GNPAT: variants seen among roughly 807,000 people sequenced by gnomAD.
GNPAT encodes the protein glyceronephosphate O-acyltransferase.
Under a neutral mutation model 78.4 loss-of-function variants are expected in GNPAT, and 30 were observed. The observed-to-expected ratio is 0.38, with a 90% CI of 0.29 to 0.52. The LOEUF (loss-of-function observed/expected upper bound fraction) is 0.52. Among genes scored for constraint, GNPAT ranks in the 20% least tolerant of loss-of-function variants. The pLI, the probability that GNPAT is intolerant of heterozygous loss-of-function variation, is 0.84. For synonymous variants in GNPAT, 271 were observed against 281.1 expected (o/e 0.96, Z 0.36); for missense variants, 714 against 812.2 (o/e 0.88, Z 1.47).
chr1:231,241,249 T>C lies in GNPAT; in HGVS notation c.-130T>C, dbSNP rs1242188139. 6.9e-7 allele frequency: 1 copy of C among 1,451,648 alleles called. No individual in the cohort carries two copies. Among genetic ancestry groups the C allele is most frequent in the Non-Finnish European group, 9.7e-7 (1 of 1,034,030 alleles). The allele number at this position is 1,451,648 out of a possible 1,614,324, so 89.9% of individuals were successfully genotyped here. The stretch of plus-strand genomic sequence containing the variant: ...AGATGGCGGCGCCCGGGATCCTGTG[T>C]AGCGGCTGCAGAGGGTGCCGCCGCC... On this transcript the variant is annotated 5_prime_UTR_variant, in exon 1 of 16. Coordinates refer to ENST00000366647, the MANE Select transcript of GNPAT (RefSeq NM_014236.4).
intron 8 of GNPAT, among the ~76,000 whole-genome samples, chr1:231,266,633 G>A (rs957972379): frequency 6.6e-6 from 1 of 152,164 alleles, no homozygotes; most frequent in Admixed American, 6.5e-5. Context: ...TGTCAAATAT[G>A]CAAAATCAGA....
intron 1 of GNPAT, among the ~76,000 whole-genome samples, chr1:231,246,530 T>C (rs1402477465): frequency 2.0e-5 from 3 of 152,186 alleles, no homozygotes; most frequent in South Asian, 2.1e-4. Flanking sequence ...TCACTAGCAG[T>C]AGGGAGAGGC....
chr1:231,256,780 C>G (rs1255849842), intron 2 of GNPAT, among the ~76,000 whole-genome samples: 1 of 152,184 alleles, frequency 6.6e-6, no homozygotes, highest in Non-Finnish European at 1.5e-5. Flanking sequence ...GCCACTGCGC[C>G]CGGCCAATTT....
intron 2 of GNPAT, among the ~76,000 whole-genome samples, chr1:231,253,112 G>T (rs748925334): frequency 9.2e-5 from 14 of 152,168 alleles, no homozygotes; most frequent in Non-Finnish European, 1.5e-4. Context: ...AGGACTACAG[G>T]CACCAGCCGC....
At chr1:231,248,103 A>C (rs1363803750) in intron 1 of GNPAT, among the ~76,000 whole-genome samples, 2 of 152,096 alleles carry the variant, frequency 1.3e-5, no homozygotes, top group Non-Finnish European at 2.9e-5. Context: ...GGGGGCACCA[A>C]CCCTCTGCAC....
intron 1 of GNPAT, among the ~76,000 whole-genome samples, chr1:231,245,347 T>C (rs1684717178): frequency 6.6e-6 from 1 of 152,106 alleles, no homozygotes; most frequent in South Asian, 2.1e-4. Context: ...TGAGCTCAAG[T>C]GATCCTCCCT....
Position 231,241,231 on chromosome 1 carries a change from G to C in GNPAT, c.-148G>C. 1 of 1,489,430 alleles carries C rather than the reference G, an allele frequency of 6.7e-7. No individual in the cohort carries two copies. 92.3% of individuals were successfully genotyped at this position (1,489,430 alleles called of 1,614,324 possible). A position where few individuals can be genotyped will look rare whatever the true frequency, so the allele number is the denominator to read the frequency against. On this transcript the variant is annotated 5_prime_UTR_variant, in exon 1 of 16. Transcript: ENST00000366647. ...CGGCTTCCGTCCTGGCTGAGATGGC[G>C]GCGCCCGGGATCCTGTGTAGCGGCT... is the stretch of plus-strand genomic sequence containing the variant.
chr1:231,266,595 C>CA (rs1558335037), intron 8 of GNPAT, among the ~76,000 whole-genome samples, 188 bp downstream of exon 8: 1 of 151,918 alleles, frequency 6.6e-6, no homozygotes. Context: ...GTGTTTGTCC[C>CA]AAAAAAAGAT....
At chr1:231,247,404 T>TA (rs1684779598) in intron 1 of GNPAT, among the ~76,000 whole-genome samples, 1 of 152,136 alleles carries the variant, frequency 6.6e-6, no homozygotes, top group African/African-American at 2.4e-5. Flanking sequence ...AGGCACCAAA[T>TA]ACGAGTTTAA....
intron 11 of GNPAT, among the ~76,000 whole-genome samples, chr1:231,272,797 C>T (rs564989343): frequency 5.3e-5 from 8 of 152,244 alleles, no homozygotes; most frequent in Admixed American, 3.3e-4. Flanking sequence ...GGTGAAACCC[C>T]GTCTGTACTA....
intron 2 of GNPAT, among the ~76,000 whole-genome samples, chr1:231,255,477 A>G (rs895974280): frequency 1.3e-5 from 2 of 152,072 alleles, no homozygotes; most frequent in Admixed American, 6.6e-5. Context: ...AGGCTGGAGT[A>G]CAGTGGCATG....
chr1:231,270,945 T>C lies in GNPAT; in HGVS notation c.1467T>C (p.Phe489=), dbSNP rs1184116229. 1.2e-6 allele frequency: 2 copies of C among 1,614,186 alleles called. No individual in the cohort carries two copies. Among genetic ancestry groups the C allele is most frequent in the Non-Finnish European group, 1.7e-6 (2 of 1,179,994 alleles). The part of the protein sequence containing the change: ...SAYRNQLLNI[F]VRPSLVAVAL... ...ATAGGAACCAGCTGCTCAACATTTTTGTGCGCCCATCCTTAGTAGCAGTAG... is the reference window on the plus strand; with the variant it reads ...ATAGGAACCAGCTGCTCAACATTTTCGTGCGCCCATCCTTAGTAGCAGTAG... The change falls in exon 10 of 16, where the codon TTT becomes TTC. Residue 489 remains phenylalanine, a synonymous_variant. Transcript: ENST00000366647.
chr1:231,247,167 A>G (rs1287674192), intron 1 of GNPAT, among the ~76,000 whole-genome samples: 1 of 150,898 alleles, frequency 6.6e-6, no homozygotes, highest in African/African-American at 2.4e-5. Flanking sequence ...CTCCATCTCA[A>G]AAAAAAAAAC....
chr1:231,249,217 AAGCAAG>A (rs1417635282), intron 1 of GNPAT, among the ~76,000 whole-genome samples: 1 of 152,224 alleles, frequency 6.6e-6, no homozygotes, highest in Non-Finnish European at 1.5e-5. Context: ...CCAGCCTTAT[AAGCAAG>A]AGTATTTATT....
intron 1 of GNPAT, among the ~76,000 whole-genome samples, chr1:231,242,362 G>A (rs1314542933): frequency 6.6e-6 from 1 of 152,160 alleles, no homozygotes; most frequent in Non-Finnish European, 1.5e-5. Flanking sequence ...CATTTGTGCA[G>A]AAAGGTCAAA....
At chr1:231,270,669 C>A in intron 9 of GNPAT, 89 bp from the exon 10 acceptor site, 1 of 1,239,450 alleles carries the variant, frequency 8.1e-7, no homozygotes, top group Non-Finnish European at 1.2e-6. Context: ...GAGCATCTGT[C>A]ACGTTACCAT....
At chr1:231,264,104 A>G (rs572691178) in intron 4 of GNPAT, among the ~76,000 whole-genome samples, 1 of 152,192 alleles carries the variant, frequency 6.6e-6, no homozygotes, top group African/African-American at 2.4e-5. Flanking sequence ...AGTCCAATTG[A>G]TCTATTTGTT....
chr1:231,245,488 T>C (rs1684721327), intron 1 of GNPAT, among the ~76,000 whole-genome samples: 1 of 152,186 alleles, frequency 6.6e-6, no homozygotes, highest in South Asian at 2.1e-4. Flanking sequence ...CTCAAACGAT[T>C]GATCCTCTTG....
rs368111286 is a variant in GNPAT, at chr1:231,259,629, A to G, written c.262-878A>G. Among the ~76,000 whole-genome samples, 7 of 149,600 alleles carry G rather than the reference A, an allele frequency of 4.7e-5. No individual in the cohort carries two copies. The East Asian group carries it at 7.9e-4, about 17-fold the overall frequency. ...ACCATTGTACTCCAGCCTGGGCAAC[A>G]AGAGCGAAACTCCGTCTCAAAAAAA... is the stretch of plus-strand genomic sequence containing the variant. On this transcript the variant is annotated intron_variant, in intron 2 of 15. Coordinates refer to ENST00000366647, the MANE Select transcript of GNPAT (RefSeq NM_014236.4).
Sources: allele counts gnomAD v4.1 joint callset (sites outside exome capture counted in the v4.1 genomes callset), GRCh38; gene constraint gnomAD v4.1.1; transcripts MANE v1.5; gene names NCBI Gene and HGNC (gene_info 2026-07-23, HGNC 2026-07-21).